C11orf65: variants seen among roughly 807,000 people sequenced by gnomAD.
C11orf65 encodes the protein chromosome 11 open reading frame 65.
Under a neutral mutation model 35.3 loss-of-function variants are expected in C11orf65, and 38 were observed. The observed-to-expected ratio is 1.08, with a 90% CI of 0.83 to 1.41. The LOEUF (loss-of-function observed/expected upper bound fraction) is 1.41. Among genes scored for constraint, C11orf65 ranks in the 40% most tolerant of loss-of-function variants. The pLI is 0.00. For synonymous variants in C11orf65, 105 were observed against 114.4 expected (o/e 0.92, Z 0.53); for missense variants, 370 against 367.1 (o/e 1.01, Z -0.06).
chr11:108,318,639 A>C (rs2084954461), intron 6 of C11orf65, among the ~76,000 whole-genome samples: 1 of 152,030 alleles, frequency 6.6e-6, no homozygotes, highest in Non-Finnish European at 1.5e-5. Flanking sequence ...CAGTGAGCCA[A>C]GATTGCACCA....
chr11:108,425,396 A>G (rs961663122), intron 3 of C11orf65, among the ~76,000 whole-genome samples: 1 of 152,210 alleles, frequency 6.6e-6, no homozygotes, highest in African/African-American at 2.4e-5. Flanking sequence ...TAGAAAATCT[A>G]GAAGAAATGG....
rs568141817 is a variant in C11orf65 at position 108,393,885 on chromosome 11, T to A, written c.561-507A>T. On this transcript the variant is annotated intron_variant, in intron 6 of 8. Transcript: ENST00000393084. ...TCATACAGTCTTATTTAATTCTTTTTAAAAAGACACAGCCAGGCCCAGCGC... is the reference window on the plus strand; with the variant it reads ...TCATACAGTCTTATTTAATTCTTTTAAAAAAGACACAGCCAGGCCCAGCGC... Among the ~76,000 whole-genome samples the A allele has an allele frequency of 3.3e-5, 5 of 152,210 alleles. No individual in the cohort carries two copies. The East Asian group carries it at 7.7e-4, about 24-fold the overall frequency.
chr11:108,337,089 A>C (rs2086936619), intron 2 of C11orf65, among the ~76,000 whole-genome samples: 1 of 152,168 alleles, frequency 6.6e-6, no homozygotes, highest in African/African-American at 2.4e-5. Flanking sequence ...AGGGGAGTGA[A>C]GAAGAATAAA....
rs182630765 is a variant in C11orf65, at chr11:108,444,248, C to T, written c.82-12410G>A. Among the ~76,000 whole-genome samples the T allele has an allele frequency of 4.2e-4, 64 of 152,130 alleles. 1 individual carries two copies. In the East Asian group the frequency reaches 0.011, roughly 27 times the overall value. ...AAATGGATAAATTCCTGGATACATA[C>T]ACCCTCCCAAGACTAAACCATGAAG... On this transcript the variant is annotated intron_variant, in intron 2 of 8. Transcript: ENST00000393084.
In C11orf65 at chr11:108,332,782, T is replaced by C. The variant is rs2136562134; in HGVS notation, c.300-1215A>G. On this transcript the variant is annotated intron_variant, in intron 3 of 3. Coordinates refer to the C11orf65 transcript ENST00000524755. ...AATAGGATCGAACAGAGGCTGCAAA[T>C]AGAATAATATGTACTATCAGAAGTA... is the stretch of plus-strand genomic sequence containing the variant. The C allele has an allele frequency of 6.2e-7, 1 of 1,613,208 alleles. No individual in the cohort carries two copies. The highest frequency in any genetic ancestry group is 8.5e-7 in the Non-Finnish European group (1 of 1,179,730).
rs1203521531 is a variant in C11orf65, at chr11:108,343,504, G to T, written c.227-8212C>A. ...TAATTGTCAAAGATACTAAGTAAAA[G>T]AAAAACTCATCAGAATGAAAGTGTG... On this transcript the variant is annotated intron_variant, in intron 2 of 3. Transcript: ENST00000524755. 6.6e-6 allele frequency: 7 copies of T among 1,064,900 alleles called. No individual in the cohort carries two copies. The African/African-American group carries it at 9.7e-5, about 15-fold the overall frequency. The allele number at this position is 1,064,900 out of a possible 1,614,324, so 66.0% of individuals were successfully genotyped here. A position where few individuals can be genotyped will look rare whatever the true frequency, so the allele number is the denominator to read the frequency against.
intron 2 of C11orf65, among the ~76,000 whole-genome samples, chr11:108,449,952 C>T (rs538699055): frequency 6.6e-6 from 1 of 151,482 alleles, no homozygotes; most frequent in Non-Finnish European, 1.5e-5. Context: ...GAAAAAAAAA[C>T]CCATCAAAAA....
At chr11:108,376,965 A>T (rs1412162578) in intron 2 of C11orf65, among the ~76,000 whole-genome samples, 1 of 152,020 alleles carries the variant, frequency 6.6e-6, no homozygotes, top group African/African-American at 2.4e-5. Flanking sequence ...CAATAACAGG[A>T]TCTGAAATTG....
intron 2 of C11orf65, among the ~76,000 whole-genome samples, chr11:108,353,155 A>AT (rs540346489): frequency 1.0e-3 from 152 of 147,530 alleles, no homozygotes; most frequent in Middle Eastern, 3.5e-3. Flanking sequence ...AATGTCATTA[A>AT]TTTTTTTTTT....
intron 6 of C11orf65, among the ~76,000 whole-genome samples, chr11:108,395,176 T>C (rs1374489699): frequency 6.6e-6 from 1 of 151,194 alleles, no homozygotes; most frequent in Non-Finnish European, 1.5e-5. Flanking sequence ...CTAGCATTCT[T>C]GAGAGGTTTA....
downstream of C11orf65, chr11:108,382,697 T>A (rs1175063304): frequency 1.2e-6 from 1 of 836,616 alleles, no homozygotes; most frequent in Non-Finnish European, 1.4e-6. Flanking sequence ...GAGCTCTGCC[T>A]TCCATGAATG....
intron 2 of C11orf65, chr11:108,368,602 G>A (rs2091451599): frequency 1.4e-5 from 3 of 218,162 alleles, no homozygotes; most frequent in African/African-American, 2.2e-5. Context: ...GATTTCAGGC[G>A]AAAAGAATCT....
intron 2 of C11orf65, chr11:108,335,334 A>G (rs967789593): frequency 2.9e-6 from 4 of 1,397,734 alleles, no homozygotes; most frequent in Non-Finnish European, 3.8e-6. Context: ...CAAGTAAAAG[A>G]ATACCATTAA....
intron 2 of C11orf65, among the ~76,000 whole-genome samples, chr11:108,433,382 C>T (rs951777302): frequency 1.3e-5 from 2 of 151,472 alleles, no homozygotes; most frequent in African/African-American, 4.9e-5. Flanking sequence ...ATCGAGACCA[C>T]CCCGGCTAAC....
chr11:108,393,205 T>C lies in C11orf65; in HGVS notation c.731+3A>G, dbSNP rs1449085662. On this transcript the variant is annotated splice_donor_region_variant and intron_variant, in intron 7 of 8. Coordinates refer to ENST00000393084, the MANE Select transcript of C11orf65 (RefSeq NM_152587.5). The stretch of plus-strand genomic sequence containing the variant: ...TTCCCCAAGAATAGCAACATGTACT[T>C]ACTCATCAAAGTTCAGTGTATTTGT... The C allele has an allele frequency of 6.2e-7, 1 of 1,613,458 alleles. No homozygotes were observed. The highest frequency in any genetic ancestry group is 2.2e-5 in the East Asian group (1 of 44,844).
At chr11:108,365,835 C>T (rs1038009428) in intron 2 of C11orf65, 5 of 335,894 alleles carry the variant, frequency 1.5e-5, no homozygotes, top group Admixed American at 4.5e-5. Flanking sequence ...AAGAGACCAG[C>T]CTGGCCAGTA....
chr11:108,339,895 T>A (rs925357411), intron 2 of C11orf65, among the ~76,000 whole-genome samples: 2 of 152,110 alleles, frequency 1.3e-5, no homozygotes, highest in African/African-American at 4.8e-5. Context: ...AGAATACTTA[T>A]TAGGCAGGAA....
chr11:108,373,305 A>T (rs2091621986), intron 2 of C11orf65, among the ~76,000 whole-genome samples: 1 of 152,230 alleles, frequency 6.6e-6, no homozygotes, highest in South Asian at 2.1e-4. Context: ...GTACTCATTC[A>T]TGATAAAACT....
intron 1 of C11orf65, among the ~76,000 whole-genome samples, chr11:108,464,129 G>A (rs1406504097): frequency 6.6e-6 from 1 of 151,964 alleles, no homozygotes; most frequent in African/African-American, 2.4e-5. Flanking sequence ...GTTTCACCCT[G>A]TTGGCCAGGG....
Sources: gnomAD v4.1 joint callset for allele counts (sites outside exome capture counted in the v4.1 genomes callset) on GRCh38, gnomAD v4.1.1 for gene constraint, MANE v1.5 for transcripts, NCBI Gene and HGNC (gene_info 2026-07-23, HGNC 2026-07-21) for gene names.